Variants in SYT1 observed in about 807,000 individuals in gnomAD.
SYT1 encodes synaptotagmin 1.
In SYT1, 8 loss-of-function variants were observed where a neutral mutation model predicts 44.8. The observed-to-expected ratio is 0.18, with a 90% CI of 0.10 to 0.32. The LOEUF is 0.32. SYT1 is among the 10% of genes least tolerant of loss of function. SYT1 has a pLI of 1.00. For missense variants in SYT1, 286 were observed against 509.3 expected, an observed-to-expected ratio of 0.56 and a Z score of 4.22; for synonymous variants, 154 against 188.8, an observed-to-expected ratio of 0.82 and a Z score of 1.51.
chr12:79,197,376 A>C (rs191993076), intron 3 of SYT1, among the ~76,000 whole-genome samples: 52 of 152,260 alleles, frequency 3.4e-4, no homozygotes, highest in Non-Finnish European at 6.8e-4. Context: ...TACAAAATTC[A>C]GGGTGGGGAG....
At chr12:79,014,727 C>CTGGG (rs1555189345) in intron 2 of SYT1, among the ~76,000 whole-genome samples, 1 of 152,040 alleles carries the variant, frequency 6.6e-6, no homozygotes, top group Non-Finnish European at 1.5e-5. Flanking sequence ...ACCCAAAGGA[C>CTGGG]TATAAATCAT....
At chr12:79,201,618 G>A (rs79346613) in intron 3 of SYT1, among the ~76,000 whole-genome samples, 4,405 of 152,148 alleles carry the variant, frequency 0.029, 136 homozygotes, top group East Asian at 0.12. Flanking sequence ...TTAGTACTGC[G>A]TATCTAAATA....
chr12:79,376,515 G>A (rs1383115781), intron 9 of SYT1, among the ~76,000 whole-genome samples: 1 of 152,114 alleles, frequency 6.6e-6, no homozygotes, highest in African/African-American at 2.4e-5. Context: ...CTCCTTTACT[G>A]CAAACTGTTT....
intron 2 of SYT1, among the ~76,000 whole-genome samples, chr12:79,009,217 C>G (rs1013790403): frequency 2.6e-5 from 4 of 152,150 alleles, no homozygotes; most frequent in Non-Finnish European, 5.9e-5. Context: ...AAAAAAGTCT[C>G]TATGATTACT....
chr12:79,044,025 G>A (rs1174492179), intron 2 of SYT1, among the ~76,000 whole-genome samples: 1 of 152,096 alleles, frequency 6.6e-6, no homozygotes, highest in Admixed American at 6.6e-5. Flanking sequence ...TCCCTTTGTG[G>A]GTAACCCAAC....
chr12:79,248,382 T>C (rs557651827), intron 4 of SYT1, among the ~76,000 whole-genome samples: 4 of 152,300 alleles, frequency 2.6e-5, no homozygotes, highest in East Asian at 3.9e-4. Flanking sequence ...CTATTGTACC[T>C]GACATTCTTT....
chr12:79,374,822 C>T (rs1021845117), intron 9 of SYT1, among the ~76,000 whole-genome samples: 62 of 152,144 alleles, frequency 4.1e-4, no homozygotes, highest in African/African-American at 1.3e-3. Context: ...GTGATACCTG[C>T]CTACAAAGAG....
chr12:78,995,056 G>T (rs1480645872), intron 2 of SYT1, among the ~76,000 whole-genome samples: 6 of 152,124 alleles, frequency 3.9e-5, no homozygotes. Context: ...CACCTGGGGA[G>T]TTTTAAAAAT....
intron 9 of SYT1, among the ~76,000 whole-genome samples, chr12:79,408,676 T>C (rs978399502): frequency 2.6e-5 from 4 of 152,010 alleles, no homozygotes; most frequent in African/African-American, 7.2e-5. Flanking sequence ...TCTTTGAATT[T>C]GTCCTGGCGC....
chr12:79,395,272 G>A (rs915899591), intron 9 of SYT1, among the ~76,000 whole-genome samples: 3 of 152,130 alleles, frequency 2.0e-5, no homozygotes, highest in Non-Finnish European at 2.9e-5. Context: ...AGGCTGGTGT[G>A]CAGTGGCGCA....
At chr12:79,447,804 C>T (rs1490826316) in intron 10 of SYT1, among the ~76,000 whole-genome samples, 2 of 151,962 alleles carry the variant, frequency 1.3e-5, no homozygotes, top group Non-Finnish European at 2.9e-5. Flanking sequence ...ATTGTTTTCT[C>T]TGCTCTGAAG....
intron 3 of SYT1, among the ~76,000 whole-genome samples, chr12:79,178,312 A>G (rs138664748): frequency 6.6e-6 from 1 of 151,736 alleles, no homozygotes; most frequent in South Asian, 2.1e-4. Flanking sequence ...AGCCACATAG[A>G]TTCCTTTTTA....
chr12:79,103,801 A>G (rs1412392574), intron 3 of SYT1, among the ~76,000 whole-genome samples: 2 of 152,090 alleles, frequency 1.3e-5, no homozygotes, highest in East Asian at 3.8e-4. Context: ...CATTTTTCAT[A>G]TGTGTGAAAA....
intron 9 of SYT1, among the ~76,000 whole-genome samples, chr12:79,418,812 A>G (rs959229622): frequency 5.3e-5 from 8 of 152,164 alleles, no homozygotes; most frequent in Non-Finnish European, 1.0e-4. Context: ...AATATCAGGT[A>G]TATCAGAGCC....
intron 9 of SYT1, among the ~76,000 whole-genome samples, chr12:79,405,244 C>CACTT (rs1326410588): frequency 6.6e-6 from 1 of 152,134 alleles, no homozygotes; most frequent in Non-Finnish European, 1.5e-5. Context: ...GCAATCTTAA[C>CACTT]ACTTACTTAA....
At chr12:79,227,769 A>G (rs961411211) in intron 4 of SYT1, among the ~76,000 whole-genome samples, 2 of 152,158 alleles carry the variant, frequency 1.3e-5, no homozygotes, top group East Asian at 3.9e-4. Flanking sequence ...TAAAGGTGTC[A>G]ATGCATGTGA....
intron 4 of SYT1, among the ~76,000 whole-genome samples, chr12:79,254,417 AT>A (rs1183737825): frequency 2.6e-5 from 4 of 152,130 alleles, no homozygotes; most frequent in African/African-American, 7.2e-5. Context: ...AAAAAAGATT[AT>A]TTTCAAAATA....
At chr12:79,235,785 AT>A (rs1876154288) in intron 4 of SYT1, among the ~76,000 whole-genome samples, 1 of 152,006 alleles carries the variant, frequency 6.6e-6, no homozygotes, top group East Asian at 1.9e-4. Context: ...TCATGTAAAC[AT>A]GTTCAGCATT....
intron 8 of SYT1, among the ~76,000 whole-genome samples, chr12:79,307,047 T>A (rs1048912292): frequency 2.0e-5 from 3 of 152,206 alleles, no homozygotes; most frequent in African/African-American, 7.2e-5. Context: ...ATATTTTTTA[T>A]CTTGTTTGTG....
Sources: allele counts gnomAD v4.1 joint callset (sites outside exome capture counted in the v4.1 genomes callset), GRCh38; gene constraint gnomAD v4.1.1; transcripts MANE v1.5; gene names NCBI Gene and HGNC (gene_info 2026-07-23, HGNC 2026-07-21).